The following LPCAT3 variants were observed in gnomAD, a reference collection of about 807,000 sequenced individuals.
LPCAT3 encodes the protein lysophospholipid acyltransferase 5.
Under a neutral mutation model 63.4 loss-of-function variants are expected in LPCAT3, and 21 were observed. The ratio of observed to expected loss-of-function variants is 0.33; its 90% CI spans 0.23 to 0.48. The LOEUF is 0.48. Ranked by LOEUF, LPCAT3 falls within the 20% of genes least tolerant of loss-of-function variation. LPCAT3 has a pLI of 0.99. For missense variants in LPCAT3, 451 were observed against 590.6 expected (o/e 0.76, Z 2.45); for synonymous variants, 242 against 227.5 (o/e 1.06, Z -0.58).
At chr12:6,981,361 T>C (rs782288566) in intron 5 of LPCAT3, 179 bp from the exon 6 acceptor site, 41 of 672,536 alleles carry the variant, frequency 6.1e-5, no homozygotes, top group Non-Finnish European at 9.9e-5. Context: ...AGCTGGCTGT[T>C]GCTGCTTTAG....
intron 1 of LPCAT3, among the ~76,000 whole-genome samples, chr12:7,002,124 C>A (rs1176058079): frequency 6.6e-6 from 1 of 152,142 alleles, no homozygotes; most frequent in African/African-American, 2.4e-5. Flanking sequence ...GCGGCCAGGC[C>A]AGGACAGGAC....
chr12:6,989,656 AG>A (rs1307714966), intron 1 of LPCAT3, among the ~76,000 whole-genome samples: 2 of 152,136 alleles, frequency 1.3e-5, no homozygotes, highest in African/African-American at 2.4e-5. Context: ...AGCCCTCTTC[AG>A]GGGTTGTAGT....
chr12:7,015,222 G>A (rs1403547517), intron 1 of LPCAT3, among the ~76,000 whole-genome samples: 6 of 152,228 alleles, frequency 3.9e-5, no homozygotes, highest in African/African-American at 7.2e-5. Context: ...TGATTAAAAC[G>A]TACACTTGAA....
At chr12:6,982,537 A>T (rs1946480898) in intron 3 of LPCAT3, 139 bp downstream of exon 3, 1 of 642,912 alleles carries the variant, frequency 1.6e-6, no homozygotes, top group African/African-American at 1.8e-5. Flanking sequence ...TAAGCCACCT[A>T]CCTGAAGTCA....
intron 4 of LPCAT3, 56 bp from the exon 5 acceptor site, chr12:6,981,688 G>T: frequency 2.0e-6 from 3 of 1,533,466 alleles, no homozygotes; most frequent in Non-Finnish European, 2.7e-6. Flanking sequence ...TGAGGATGTG[G>T]CCTGTAGACT....
rs1555153426 is a variant in LPCAT3 at position 6,977,508 on chromosome 12, T to C, written c.1206A>G (p.Gln402=). 1.2e-6 allele frequency: 2 copies of C among 1,614,176 alleles called. No individual in the cohort carries two copies. Among genetic ancestry groups the C allele is most frequent in the Admixed American group, 1.7e-5 (1 of 60,020 alleles). ...CCAGCTTGCTCAGGGTGGGGCTCTC[T>C]TGAATGAGCCTGGCAGCCTGGGGAG... is the stretch of plus-strand genomic sequence containing the variant. ...IVERQAARLI[Q]ESPTLSKLAA... The change falls in exon 11 of 13, where the codon CAA becomes CAG. Residue 402 remains glutamine, a synonymous_variant. Coordinates refer to ENST00000261407, the MANE Select transcript of LPCAT3 (RefSeq NM_005768.6). The surrounding 1 kb of genome is among the most constrained non-coding windows in gnomAD (Gnocchi z 4.5).
chr12:6,990,605 A>G (rs1018555488), intron 1 of LPCAT3, among the ~76,000 whole-genome samples: 1 of 151,732 alleles, frequency 6.6e-6, no homozygotes, highest in Admixed American at 6.6e-5. Flanking sequence ...TGGGAACTAT[A>G]TATCAATGTC....
intron 7 of LPCAT3, chr12:6,979,028 C>A (rs1437730175): frequency 3.3e-6 from 1 of 305,380 alleles, no homozygotes. Context: ...AGGAGAGAAA[C>A]CTGCCCAGAA....
chr12:7,011,157 C>T (rs1555157183), intron 1 of LPCAT3, among the ~76,000 whole-genome samples: 1 of 152,086 alleles, frequency 6.6e-6, no homozygotes, highest in African/African-American at 2.4e-5. Flanking sequence ...ACCTCAGCCT[C>T]CCAAGCAGCA....
chr12:7,014,097 T>C lies in LPCAT3; in HGVS notation c.151+4177A>G, dbSNP rs782755132. On this transcript the variant is annotated intron_variant, in intron 1 of 12. Transcript: ENST00000261407. ...CCATCTCAGCATGCTGAAACCTTAC[T>C]CATCTTTAAATGAAATGTCCCATCT... Among the ~76,000 whole-genome samples, 3 of 152,366 alleles carry C rather than the reference T, an allele frequency of 2.0e-5. No individual in the cohort carries two copies. The South Asian group carries it at 6.2e-4, about 32-fold the overall frequency.
intron 1 of LPCAT3, among the ~76,000 whole-genome samples, chr12:6,985,089 TAAAAAAAA>T: frequency 8.9e-6 from 1 of 112,608 alleles, no homozygotes; most frequent in Non-Finnish European, 1.8e-5. Context: ...CCCCATACAT[TAAAAAAAA>T]AAAAAAAAAA....
intron 1 of LPCAT3, among the ~76,000 whole-genome samples, chr12:7,016,162 C>T (rs995767842): frequency 5.3e-5 from 8 of 150,788 alleles, no homozygotes; most frequent in Non-Finnish European, 1.0e-4. Flanking sequence ...AGTGGTGCCA[C>T]GGCTCACTGT....
At chr12:6,980,659 A>G (rs1946460834) in intron 6 of LPCAT3, 2 of 163,138 alleles carry the variant, frequency 1.2e-5, no homozygotes, top group African/African-American at 2.4e-5. Flanking sequence ...CCCAGCCTCT[A>G]TCTACCTACC....
chr12:6,985,391 G>T (rs143930779), intron 1 of LPCAT3, among the ~76,000 whole-genome samples: 5 of 151,584 alleles, frequency 3.3e-5, no homozygotes, highest in African/African-American at 1.2e-4. Flanking sequence ...GCGAGATTCC[G>T]TCTCAAAAAA....
At chr12:6,990,139 C>T (rs781798561) in intron 1 of LPCAT3, among the ~76,000 whole-genome samples, 4 of 151,338 alleles carry the variant, frequency 2.6e-5, no homozygotes, top group Admixed American at 6.6e-5. Flanking sequence ...GATGATGCCA[C>T]TGCACTCCAG....
chr12:6,987,111 CAA>C lies in LPCAT3; in HGVS notation c.152-3574_152-3573del, dbSNP rs56951656. Among the ~76,000 whole-genome samples, 7 of 145,126 alleles carry C rather than the reference CAA, an allele frequency of 4.8e-5. No homozygotes were observed. In the East Asian group the frequency reaches 1.4e-3, roughly 29 times the overall value. ...TTGGGCAACGAGCAAGATTCTGTCT[CAA>C]AAAAAAAAGAAAAAAAAGTTTTATG... On this transcript the variant is annotated intron_variant, in intron 1 of 12. Transcript: ENST00000261407. The surrounding 1 kb of genome is among the most constrained non-coding windows in gnomAD (Gnocchi z 4.1).
At position 7,002,736 on chromosome 12, in the gene LPCAT3, C is replaced by T. The variant is rs181085122; in HGVS notation, c.151+15538G>A. Among the ~76,000 whole-genome samples the T allele has an allele frequency of 2.8e-3, 420 of 152,288 alleles. 3 individuals are homozygous for T. Among genetic ancestry groups the T allele is most frequent in the African/African-American group, 9.0e-3 (376 of 41,554 alleles). ...TCTATAAAATATTTTTCTGGCCGGG[C>T]GCAGTGGCTAACGCCTGTAATCCCA... On this transcript the variant is annotated intron_variant, in intron 1 of 12. Coordinates refer to ENST00000261407, the MANE Select transcript of LPCAT3 (RefSeq NM_005768.6).
intron 1 of LPCAT3, among the ~76,000 whole-genome samples, chr12:6,989,294 A>T (rs1196549663): frequency 6.6e-6 from 1 of 150,418 alleles, no homozygotes; most frequent in Admixed American, 6.6e-5. Flanking sequence ...CCCTAATGCT[A>T]GGGACATTCA....
rs782570555 is a variant in LPCAT3, at chr12:7,018,275, C to G, written c.150G>C (p.Leu50=). 3.7e-6 allele frequency: 6 copies of G among 1,600,284 alleles called. No individual in the cohort carries two copies. The African/African-American group carries it at 4.0e-5, about 11-fold the overall frequency. The part of the protein sequence containing the change: ...QALRLIISIF[L]GYPFALFYRH... ...GGAGGGAGGCAGGAGGGTCCTTACC[C>G]AGGAAGATGGAGATGATCAGCCGCA... The change falls in exon 1 of 13, where the codon CTG becomes CTC. Residue 50 remains leucine, a splice_region_variant and synonymous_variant. Coordinates refer to ENST00000261407, the MANE Select transcript of LPCAT3 (RefSeq NM_005768.6). This position sits in a 1 kb window ranked among gnomAD's most constrained non-coding sequence, Gnocchi z 4.9.
Sources: allele counts gnomAD v4.1 joint callset (sites outside exome capture counted in the v4.1 genomes callset), GRCh38; gene constraint gnomAD v4.1.1; non-coding constraint Gnocchi (gnomAD v3.1); transcripts MANE v1.5; gene names NCBI Gene and HGNC (gene_info 2026-07-23, HGNC 2026-07-21).